The following ZNF727 variants were observed in gnomAD, a reference collection of about 807,000 sequenced individuals.
ZNF727 encodes putative zinc finger protein 727.
In ZNF727, 11 loss-of-function variants were observed where a neutral mutation model predicts 11.5. That is an observed-to-expected ratio of 0.95 (90% confidence interval 0.60 to 1.58). The LOEUF (loss-of-function observed/expected upper bound fraction) is 1.58, where lower values mean the gene tolerates loss of function less well. Among genes scored for constraint, ZNF727 ranks in the 40% most tolerant of loss-of-function variants. The pLI is 0.00. For missense variants in ZNF727, 533 were observed against 581.7 expected (o/e 0.92, Z 0.86); for synonymous variants, 171 against 196.1 (o/e 0.87, Z 1.07).
intron 1 of ZNF727, among the ~76,000 whole-genome samples, chr7:64,049,568 ACT>A (rs1449593117): frequency 2.6e-5 from 4 of 151,984 alleles, no homozygotes; most frequent in African/African-American, 9.6e-5. Flanking sequence ...AGCAATTTTA[ACT>A]ATTAGTCATG....
intron 3 of ZNF727, among the ~76,000 whole-genome samples, chr7:64,075,494 CTA>C (rs1391934825): frequency 6.6e-6 from 1 of 151,654 alleles, no homozygotes; most frequent in Non-Finnish European, 1.5e-5. Context: ...ATCTAGTTGC[CTA>C]TCAGTGGTGG....
intron 1 of ZNF727, among the ~76,000 whole-genome samples, chr7:64,067,122 A>C (rs1219331939): frequency 8.1e-6 from 1 of 124,064 alleles, no homozygotes; most frequent in East Asian, 2.1e-4. Flanking sequence ...GAAGACATTT[A>C]TGCAGCCAAC....
At position 64,082,022 on chromosome 7, in the gene ZNF727, G is replaced by T. The variant is rs951534622; in HGVS notation, c.*3473G>T. Among the ~76,000 whole-genome samples, 1 of 152,120 alleles carries T rather than the reference G, an allele frequency of 6.6e-6. No individual in the cohort carries two copies. Among genetic ancestry groups the T allele is most frequent in the Non-Finnish European group, 1.5e-5 (1 of 68,026 alleles). ...GGGGTTCACTGGTAATGAGCAGTGGGTAGTTTGTGGGACCCATGGAGGATG... is the reference window on the plus strand; with the variant it reads ...GGGGTTCACTGGTAATGAGCAGTGGTTAGTTTGTGGGACCCATGGAGGATG... On this transcript the variant is annotated 3_prime_UTR_variant, in exon 4 of 4. Transcript: ENST00000456806.
intron 1 of ZNF727, among the ~76,000 whole-genome samples, chr7:64,067,405 A>T (rs1789887021): frequency 6.6e-6 from 1 of 152,322 alleles, no homozygotes; most frequent in East Asian, 1.9e-4. Flanking sequence ...CCAAAGGATT[A>T]TAAATTATTC....
chr7:64,057,979 G>C (rs1423476924), intron 1 of ZNF727, among the ~76,000 whole-genome samples: 1 of 152,120 alleles, frequency 6.6e-6, no homozygotes, highest in Non-Finnish European at 1.5e-5. Context: ...TTCCAACAAA[G>C]CTGGGATAAA....
intron 1 of ZNF727, among the ~76,000 whole-genome samples, chr7:64,055,440 T>G (rs1160158967): frequency 6.6e-6 from 1 of 151,188 alleles, no homozygotes; most frequent in Non-Finnish European, 1.5e-5. Flanking sequence ...GTACATAAAG[T>G]GACAATAAAG....
chr7:64,058,381 T>A (rs13228852), intron 1 of ZNF727, among the ~76,000 whole-genome samples: 1 of 151,940 alleles, frequency 6.6e-6, no homozygotes, highest in Non-Finnish European at 1.5e-5. Flanking sequence ...ATATAATAAT[T>A]TGCTCACAAC....
chr7:64,045,676 C>T (rs146587905), intron 1 of ZNF727, 52 bp downstream of exon 1: 23 of 1,553,220 alleles, frequency 1.5e-5, no homozygotes, highest in African/African-American at 2.7e-5. Flanking sequence ...TGTTTGAATC[C>T]GGTCGGAACT....
In ZNF727 at chr7:64,081,787, T is replaced by C. The variant is rs1436043886; in HGVS notation, c.*3238T>C. Among the ~76,000 whole-genome samples, 7 of 152,110 alleles carry C rather than the reference T, an allele frequency of 4.6e-5. No individual in the cohort carries two copies. The East Asian group carries it at 1.2e-3, about 25-fold the overall frequency. ...GTTCCCCTAGGGCTAAAGTCTCTTA[T>C]GGGAGAAAGTTGAGCCTATGGAAAT... On this transcript the variant is annotated 3_prime_UTR_variant, in exon 4 of 4. Coordinates refer to ENST00000456806, the MANE Select transcript of ZNF727 (RefSeq NM_001159522.3).
In ZNF727 at chr7:64,083,517, G is replaced by C. The variant is rs1785825783; in HGVS notation, c.*4968G>C. ...GAGTTGCAGCTACTTTTTCTGGGAA[G>C]CCTGGAAAGCCAGAGTATCTGAGGC... is the stretch of plus-strand genomic sequence containing the variant. On this transcript the variant is annotated 3_prime_UTR_variant, in exon 4 of 4. Transcript: ENST00000456806. Among the ~76,000 whole-genome samples the C allele has an allele frequency of 1.3e-5, 2 of 152,180 alleles. No individual in the cohort carries two copies. The highest frequency in any genetic ancestry group is 2.9e-5 in the Non-Finnish European group (2 of 68,034).
At chr7:64,045,647 C>T (rs1293217203) in intron 1 of ZNF727, 23 bp downstream of exon 1, 5 of 1,558,858 alleles carry the variant, frequency 3.2e-6, no homozygotes, top group Non-Finnish European at 4.3e-6. Context: ...AGTGGGTGTC[C>T]CGAGAAGGGG....
rs546846683 is a variant in ZNF727, at chr7:64,064,758, G to A, written c.4-4133G>A. Among the ~76,000 whole-genome samples the A allele has an allele frequency of 4.6e-5, 7 of 152,172 alleles. No homozygotes were observed. In the East Asian group the frequency reaches 9.7e-4, roughly 21 times the overall value. ...AAATGGACACTTCCTCTCTGACTAC[G>A]GCTAGTCTGAGTGCTCCCTCTGCAG... On this transcript the variant is annotated intron_variant, in intron 1 of 3. Coordinates refer to ENST00000456806, the MANE Select transcript of ZNF727 (RefSeq NM_001159522.3).
chr7:64,078,360 A>C lies in ZNF727; in HGVS notation c.1311A>C (p.Pro437=), dbSNP rs1454643734. The C allele has an allele frequency of 1.0e-5, 16 of 1,582,096 alleles. No individual in the cohort carries two copies. The change falls in exon 4 of 4, where the codon CCA becomes CCC. Residue 437 remains proline (P), a synonymous_variant. Coordinates refer to ENST00000456806, the MANE Select transcript of ZNF727 (RefSeq NM_001159522.3). ...GTGGCAAAACCTTTAAGTGGTTCCC[A>C]GACCTGACTAATCATAAGAGAATTC... ...EECGKTFKWF[P]DLTNHKRIHT... is the part of the protein sequence containing the mutation.
At chr7:64,059,229 C>T (rs552920402) in intron 1 of ZNF727, among the ~76,000 whole-genome samples, 1 of 151,980 alleles carries the variant, frequency 6.6e-6, no homozygotes, top group South Asian at 2.1e-4. Context: ...AGGCATGAGC[C>T]GCCGCACCTG....
Position 64,080,727 on chromosome 7 carries a change from T to C in ZNF727, c.*2178T>C, listed in dbSNP as rs1462168926. Among the ~76,000 whole-genome samples, 2 of 152,166 alleles carry C rather than the reference T, an allele frequency of 1.3e-5. No homozygotes were observed. The highest frequency in any genetic ancestry group is 2.9e-5 in the Non-Finnish European group (2 of 68,040). ...TGTGTTTTCAACATTTTTGCACTGATTTTGTCTCATCTTTGTGGGCGTATC... is the reference window on the plus strand; with the variant it reads ...TGTGTTTTCAACATTTTTGCACTGACTTTGTCTCATCTTTGTGGGCGTATC... On this transcript the variant is annotated 3_prime_UTR_variant, in exon 4 of 4. Transcript: ENST00000456806.
intron 1 of ZNF727, among the ~76,000 whole-genome samples, chr7:64,058,682 C>T (rs1281541937): frequency 6.6e-6 from 1 of 152,154 alleles, no homozygotes; most frequent in Non-Finnish European, 1.5e-5. Context: ...TCCTGTAAAA[C>T]TAAATAATTC....
intron 3 of ZNF727, among the ~76,000 whole-genome samples, chr7:64,071,884 T>C (rs1789967438): frequency 6.6e-6 from 1 of 152,082 alleles, no homozygotes; most frequent in Non-Finnish European, 1.5e-5. Context: ...GTGTCAAAGA[T>C]GAGTTGATCT....
At position 64,082,774 on chromosome 7, in the gene ZNF727, C is replaced by T. The variant is rs1235785334; in HGVS notation, c.*4225C>T. On this transcript the variant is annotated 3_prime_UTR_variant, in exon 4 of 4. Transcript: ENST00000456806. ...GCATGCACCAGTAGTCTCAGCTAAT[C>T]GGGAGGCTGAGGCAGGAGAATTGCT... Among the ~76,000 whole-genome samples, 13 of 151,846 alleles carry T rather than the reference C, an allele frequency of 8.6e-5. No individual in the cohort carries two copies. Among genetic ancestry groups the T allele is most frequent in the Admixed American group, 6.6e-4 (10 of 15,226 alleles).
In ZNF727 at chr7:64,084,696, A is replaced by C. The variant is rs185331754; in HGVS notation, c.*6147A>C. 6.6e-6 allele frequency among the ~76,000 whole-genome samples: 1 copy of C among 152,320 alleles called. No homozygotes were observed. Among genetic ancestry groups the C allele is most frequent in the Admixed American group, 6.5e-5 (1 of 15,306 alleles). On this transcript the variant is annotated 3_prime_UTR_variant, in exon 4 of 4. Coordinates refer to ENST00000456806, the MANE Select transcript of ZNF727 (RefSeq NM_001159522.3). ...TTTATCCTACTTTTTTCTGTTGAAAATATGACTTCTCTCGTCTGCTAAACA... is the reference window on the plus strand; with the variant it reads ...TTTATCCTACTTTTTTCTGTTGAAACTATGACTTCTCTCGTCTGCTAAACA...
Sources: gnomAD v4.1 joint callset for allele counts (sites outside exome capture counted in the v4.1 genomes callset) on GRCh38, gnomAD v4.1.1 for gene constraint, MANE v1.5 for transcripts, NCBI Gene and HGNC (gene_info 2026-07-23, HGNC 2026-07-21) for gene names.